GRB7: variants seen among roughly 807,000 people sequenced by gnomAD.
The protein encoded by GRB7 is growth factor receptor-bound protein 7.
Under a neutral mutation model 64.1 loss-of-function variants are expected in GRB7, and 47 were observed. That is an observed-to-expected ratio of 0.73 (90% CI 0.58 to 0.94). The LOEUF is 0.94. GRB7 is among the 40% of genes least tolerant of loss of function. The probability of loss-of-function intolerance (pLI) is 0.00; values close to 1 mark genes in which losing one functional copy is unlikely to be tolerated. For synonymous variants in GRB7, 277 were observed against 279.9 expected, an observed-to-expected ratio of 0.99 and a Z score of 0.10; for missense variants, 634 against 718.4, an observed-to-expected ratio of 0.88 and a Z score of 1.34.
At chr17:39,746,610 CTG>C in intron 14 of GRB7, 139 bp from the exon 15 acceptor site, 11 of 1,181,444 alleles carry the variant, frequency 9.3e-6, no homozygotes, top group Non-Finnish European at 1.2e-5. Flanking sequence ...AGTGAGAAAA[CTG>C]TCTCAAAAAA....
At position 39,746,834 on chromosome 17, in the gene GRB7, C is replaced by G; in HGVS notation, c.1536C>G (p.His512Gln). 1 of 1,613,736 alleles carries G rather than the reference C, an allele frequency of 6.2e-7. No homozygotes were observed. Among genetic ancestry groups the G allele is most frequent in the Non-Finnish European group, 8.5e-7 (1 of 1,180,028 alleles). ...FTDLLQLVEF[H>Q]QLNRGILPCL... ...ACCTGCTGCAGCTCGTGGAGTTCCA[C>G]CAGCTGAACCGCGGCATCCTGCCGT... The change falls in exon 15 of 15, where the codon CAC (histidine) becomes CAG (glutamine). Residue 512 changes from histidine (H) to glutamine (Q), a missense_variant. Around this residue, in one of 2 missense-constraint regions of GRB7, gnomAD observed 467 missense variants for 576.6 expected, o/e 0.81. Transcript: ENST00000309156.
At chr17:39,745,609 G>C in intron 11 of GRB7, 71 bp downstream of exon 11, 1 of 1,561,164 alleles carries the variant, frequency 6.4e-7, no homozygotes, top group Non-Finnish European at 8.8e-7. Context: ...TGAAATAGGA[G>C]GGAGGAAGAG....
rs754411293 is a variant in GRB7 at position 39,743,467 on chromosome 17, C to T, written c.660C>T (p.Ile220=). ...AHTGISHEDL[I]QNFLNAGSFP... is the part of the protein sequence containing the mutation. ...CTGGTATATCCCATGAAGACCTCAT[C>T]CAGGTGGGGGGACCCCCCATTTCAC... The change falls in exon 6 of 15, where the codon ATC becomes ATT. Residue 220 remains isoleucine (I), a synonymous_variant. Transcript: ENST00000309156. 6.2e-7 allele frequency: 1 copy of T among 1,613,570 alleles called. No homozygotes were observed. Among genetic ancestry groups the T allele is most frequent in the Non-Finnish European group, 8.5e-7 (1 of 1,179,628 alleles).
chr17:39,745,967 A>C lies in GRB7; in HGVS notation c.1325A>C (p.Gln442Pro), dbSNP rs1240056940. Residue 442 changes from glutamine to proline, a missense_variant, in exon 13 of 15, where the codon CAG becomes CCG. By Grantham distance (76) the Gln-to-Pro change is moderately conservative (BLOSUM62 -1). This residue lies in a region of GRB7 where 467 missense variants were observed against 576.6 expected (regional missense o/e 0.81). Coordinates refer to ENST00000309156, the MANE Select transcript of GRB7 (RefSeq NM_005310.5). ...GGGCGCATTTCCCGTGAGGAGAGCC[A>C]GCGGCTTATTGGACAGCAGGGCTTG... ...FHGRISREESQRLIGQQGLVD... is the reference protein window; with the variant it reads ...FHGRISREESPRLIGQQGLVD... 1 of 1,614,070 alleles carries C rather than the reference A, an allele frequency of 6.2e-7. No individual in the cohort carries two copies. The highest frequency in any genetic ancestry group is 1.1e-5 in the South Asian group (1 of 91,084).
At chr17:39,738,197 C>T (rs917472204) in intron 1 of GRB7, 64 bp downstream of exon 1, 3 of 152,398 alleles carry the variant, frequency 2.0e-5, no homozygotes, top group Non-Finnish European at 4.4e-5. Context: ...GCACCAGGGC[C>T]CCAGGCTGTG....
At chr17:39,740,417 G>A (rs2059985043) in intron 1 of GRB7, among the ~76,000 whole-genome samples, 1 of 152,222 alleles carries the variant, frequency 6.6e-6, no homozygotes, top group South Asian at 2.1e-4. Flanking sequence ...CACAGGGCAG[G>A]GGCTCTGAGC....
rs373661375 is a variant in GRB7, at chr17:39,744,583, G to A, written c.832G>A (p.Val278Met). 2.5e-6 allele frequency: 4 copies of A among 1,611,896 alleles called. No homozygotes were observed. Among genetic ancestry groups the A allele is most frequent in the Non-Finnish European group, 3.4e-6 (4 of 1,179,096 alleles). ...DPRHLQYVAD[V>M]NESNVYVVTQ... ...GAGGCACCTGCAGTACGTGGCAGAT[G>A]TGAACGAGTCCAACGTGTACGTGGT... Residue 278 changes from valine (V) to methionine (M), a missense_variant, in exon 8 of 15, where the codon GTG becomes ATG. This residue lies in a region of GRB7 where 467 missense variants were observed against 576.6 expected (regional missense o/e 0.81). Transcript: ENST00000309156.
rs1195629699 is a variant in GRB7, at chr17:39,746,925, G to A, written c.*28G>A. On this transcript the variant is annotated 3_prime_UTR_variant, in exon 15 of 15. Coordinates refer to ENST00000309156, the MANE Select transcript of GRB7 (RefSeq NM_005310.5). ...AGGCCGTGGACTGGCTCATGCCTCA[G>A]CCCGCCTTCAGGCTGCCCGCCGCCC... 1.3e-6 allele frequency: 2 copies of A among 1,586,266 alleles called. No homozygotes were observed.
At chr17:39,739,077 G>C in intron 1 of GRB7, 1 of 604,266 alleles carries the variant, frequency 1.7e-6, no homozygotes, top group Non-Finnish European at 2.6e-6. Flanking sequence ...AGAGACCCAG[G>C]TTCCCGGTCT....
intron 8 of GRB7, 29 bp from the exon 9 acceptor site, chr17:39,744,857 T>C (rs768105198): frequency 7.0e-6 from 11 of 1,579,316 alleles, no homozygotes; most frequent in African/African-American, 1.3e-5. Flanking sequence ...AAGGCAGATA[T>C]GGGACCAGTC....
chr17:39,738,742 T>TAAAC, intron 1 of GRB7: 3 of 572,418 alleles, frequency 5.2e-6, no homozygotes, highest in Non-Finnish European at 8.7e-6. Context: ...CCAGTTTGGG[T>TAAAC]TTCCCCAAGT....
At chr17:39,742,532 C>T (rs566747513) in intron 2 of GRB7, 34 bp from the exon 3 acceptor site, 5 of 1,613,676 alleles carry the variant, frequency 3.1e-6, no homozygotes, top group Non-Finnish European at 4.2e-6. Context: ...TGCTCCCTTC[C>T]CCACACCTCT....
chr17:39,743,138 G>C, intron 4 of GRB7, 42 bp from the exon 5 acceptor site: 4 of 1,608,946 alleles, frequency 2.5e-6, no homozygotes, highest in Non-Finnish European at 3.4e-6. Flanking sequence ...CAGGAGATCT[G>C]GTTGATCTCC....
intron 5 of GRB7, 39 bp from the exon 6 acceptor site, chr17:39,743,354 A>G: frequency 1.2e-6 from 2 of 1,614,164 alleles, no homozygotes; most frequent in South Asian, 1.1e-5. Flanking sequence ...CTCAACCTGG[A>G]TGCTGGAGCC....
intron 1 of GRB7, among the ~76,000 whole-genome samples, chr17:39,741,396 C>T (rs2059993111): frequency 6.6e-6 from 1 of 152,180 alleles, no homozygotes; most frequent in African/African-American, 2.4e-5. Context: ...TGCTCTCCCC[C>T]TTGCACTGCA....
In GRB7 at chr17:39,744,069, G is replaced by C. The variant is rs141640127; in HGVS notation, c.664-1G>C. On this transcript the variant is annotated splice_acceptor_variant, in intron 6 of 14. Coordinates refer to ENST00000309156, the MANE Select transcript of GRB7 (RefSeq NM_005310.5). LOFTEE classifies it high-confidence loss of function. ...CTCTCCTCTGCTCTCCTCTGGCTCA[G>C]AACTTCCTGAATGCTGGCAGCTTTC... 1.2e-6 allele frequency: 2 copies of C among 1,614,074 alleles called. No homozygotes were observed. Among genetic ancestry groups the C allele is most frequent in the African/African-American group, 1.3e-5 (1 of 74,928 alleles).
chr17:39,738,780 CGGGGAGATGT>C (rs1159650116), intron 1 of GRB7: 2 of 817,726 alleles, frequency 2.4e-6, no homozygotes, highest in Admixed American at 2.7e-5. Flanking sequence ...CTGCGGGCTG[CGGGGAGATGT>C]GGGGAGGGCC....
chr17:39,742,386 C>G lies in GRB7; in HGVS notation c.85C>G (p.Arg29Gly), dbSNP rs1267029682. The change falls in exon 2 of 15, where the codon CGG becomes GGG. Residue 29 changes from arginine (R) to glycine (G), a missense_variant. Arg to Gly is a moderately radical substitution (Grantham distance 125). Around this residue, in one of 2 missense-constraint regions of GRB7, gnomAD observed 167 missense variants for 141.9 expected, o/e 1.18. Coordinates refer to ENST00000309156, the MANE Select transcript of GRB7 (RefSeq NM_005310.5). ...CCCTGGGACCCCTCCTGGGACTCCCCGGCCCCCTGATACCCCTCTGCCTGA... is the reference window on the plus strand; with the variant it reads ...CCCTGGGACCCCTCCTGGGACTCCCGGGCCCCCTGATACCCCTCTGCCTGA... Reference protein sequence around the residue: ...PAPGTPPGTPRPPDTPLPEEV... With the variant: ...PAPGTPPGTPGPPDTPLPEEV... 6.2e-7 allele frequency: 1 copy of G among 1,613,934 alleles called. No individual in the cohort carries two copies. Among genetic ancestry groups the G allele is most frequent in the East Asian group, 2.2e-5 (1 of 44,888 alleles).
Position 39,745,265 on chromosome 17 carries a change from A to C in GRB7, c.1034A>C (p.Asn345Thr), listed in dbSNP as rs1341030997. 1 of 1,610,852 alleles carries C rather than the reference A, an allele frequency of 6.2e-7. No homozygotes were observed. The highest frequency in any genetic ancestry group is 8.5e-7 in the Non-Finnish European group (1 of 1,178,188). The change falls in exon 10 of 15, where the codon AAT (asparagine) becomes ACT (threonine). Residue 345 changes from asparagine to threonine, a missense_variant. Around this residue, in one of 2 missense-constraint regions of GRB7, gnomAD observed 467 missense variants for 576.6 expected, o/e 0.81. Transcript: ENST00000309156. ...CAGTACGGGGTGCAGCTGTACAAGA[A>C]TTACCAGCAGGCACAGTCTCGCCAT... ...LFKYGVQLYK[N>T]YQQAQSRHLH...
Sources: allele counts gnomAD v4.1 joint callset (sites outside exome capture counted in the v4.1 genomes callset), GRCh38; gene constraint gnomAD v4.1.1; regional missense constraint gnomAD v4.1.1; transcripts MANE v1.5; gene names NCBI Gene and HGNC (gene_info 2026-07-23, HGNC 2026-07-21).